Variants in NRG1 observed in about 807,000 individuals in gnomAD.
The protein encoded by NRG1 is neuregulin 1, also known as pro-neuregulin-1, membrane-bound isoform.
Under a neutral mutation model 63.8 loss-of-function variants are expected in NRG1, and 18 were observed. The ratio of observed to expected loss-of-function variants is 0.28; its 90% CI spans 0.19 to 0.42. NRG1 has a LOEUF of 0.42. Among genes scored for constraint, NRG1 ranks in the 10% least tolerant of loss-of-function variants. The probability of loss-of-function intolerance (pLI) is 1.00; values close to 1 mark genes in which losing one functional copy is unlikely to be tolerated. For synonymous variants in NRG1, 302 were observed against 301.3 expected (o/e 1.00, Z -0.02); for missense variants, 762 against 814.7 (o/e 0.94, Z 0.79).
chr8:31,981,524 A>C (rs1259864747), intron 1 of NRG1, among the ~76,000 whole-genome samples: 2 of 152,088 alleles, frequency 1.3e-5, no homozygotes, highest in African/African-American at 4.8e-5. Context: ...AGAAGGGGCA[A>C]AAATCAACCT....
chr8:31,943,903 A>G (rs965902218), intron 1 of NRG1, among the ~76,000 whole-genome samples: 10 of 152,160 alleles, frequency 6.6e-5, no homozygotes, highest in African/African-American at 2.4e-4. Context: ...TTTGATTTCA[A>G]TCCTCTCACA....
chr8:32,712,817 A>G (rs1281774536), intron 5 of NRG1, among the ~76,000 whole-genome samples: 1 of 152,100 alleles, frequency 6.6e-6, no homozygotes, highest in African/African-American at 2.4e-5. Flanking sequence ...CTCCGCTTCT[A>G]GTGGTTCTCT....
At chr8:32,079,196 A>AG (rs1310301262) in intron 1 of NRG1, among the ~76,000 whole-genome samples, 1 of 147,022 alleles carries the variant, frequency 6.8e-6, no homozygotes, top group Non-Finnish European at 1.5e-5. Flanking sequence ...CGCACATACA[A>AG]GGGGTCATAC....
chr8:31,793,800 C>T (rs1820936934), intron 1 of NRG1, among the ~76,000 whole-genome samples: 1 of 152,076 alleles, frequency 6.6e-6, no homozygotes, highest in Admixed American at 6.6e-5. Context: ...TTTTTCTATC[C>T]TTATCACCAT....
At chr8:31,825,403 T>G (rs1244825588) in intron 1 of NRG1, among the ~76,000 whole-genome samples, 1 of 151,354 alleles carries the variant, frequency 6.6e-6, no homozygotes, top group African/African-American at 2.4e-5. Context: ...AAAAAAAAAG[T>G]ATTTTATACT....
chr8:32,749,252 C>T (rs1342459253), intron 7 of NRG1: 1 of 369,386 alleles, frequency 2.7e-6, no homozygotes, highest in African/African-American at 2.1e-5. Context: ...CTTTCCATTC[C>T]CACACAAGGA....
At chr8:31,748,509 G>C (rs1358788206) in intron 1 of NRG1, among the ~76,000 whole-genome samples, 1 of 151,782 alleles carries the variant, frequency 6.6e-6, no homozygotes, top group African/African-American at 2.4e-5. Flanking sequence ...TTCTGAATTT[G>C]GAATGCGTAT....
chr8:32,385,214 G>A (rs1188463288), intron 1 of NRG1, among the ~76,000 whole-genome samples: 4 of 151,844 alleles, frequency 2.6e-5, no homozygotes, highest in Non-Finnish European at 4.4e-5. Context: ...TTTTAGTAGA[G>A]ACAGGGTTTC....
At chr8:32,451,432 C>T (rs1264151318) in intron 1 of NRG1, among the ~76,000 whole-genome samples, 4 of 152,238 alleles carry the variant, frequency 2.6e-5, no homozygotes, top group African/African-American at 7.2e-5. Context: ...AGCCCTCCTT[C>T]CCAGCACAAG....
chr8:31,929,900 C>A (rs1414455086), intron 1 of NRG1, among the ~76,000 whole-genome samples: 1 of 152,182 alleles, frequency 6.6e-6, no homozygotes, highest in Non-Finnish European at 1.5e-5. Flanking sequence ...ACAACCCAAG[C>A]CTGTCTTTTG....
At chr8:32,093,604 G>T (rs1829498847) in intron 1 of NRG1, among the ~76,000 whole-genome samples, 1 of 152,188 alleles carries the variant, frequency 6.6e-6, no homozygotes, top group Non-Finnish European at 1.5e-5. Context: ...CTGTGATCTG[G>T]TGGAGTTTGA....
chr8:32,568,722 G>A (rs1278755190), intron 1 of NRG1, among the ~76,000 whole-genome samples: 1 of 152,192 alleles, frequency 6.6e-6, no homozygotes, highest in Non-Finnish European at 1.5e-5. Context: ...TGCCTGCAGA[G>A]AATCCTGCTC....
chr8:31,759,748 C>G (rs565400674), intron 1 of NRG1, among the ~76,000 whole-genome samples: 3 of 152,210 alleles, frequency 2.0e-5, no homozygotes, highest in African/African-American at 7.2e-5. Flanking sequence ...TCTTAAAAAG[C>G]TGGCTCAGAG....
At chr8:32,421,711 A>G (rs552915711) in intron 1 of NRG1, among the ~76,000 whole-genome samples, 1 of 152,342 alleles carries the variant, frequency 6.6e-6, no homozygotes, top group East Asian at 1.9e-4. Flanking sequence ...GTTCTTTGTA[A>G]TGATGCTTTC....
chr8:32,534,854 C>T (rs1036393145), intron 1 of NRG1, among the ~76,000 whole-genome samples: 1 of 152,060 alleles, frequency 6.6e-6, no homozygotes, highest in African/African-American at 2.4e-5. Flanking sequence ...TGAGTTAAAG[C>T]ACACTATGTT....
At chr8:32,406,799 T>C (rs1251499610) in intron 1 of NRG1, among the ~76,000 whole-genome samples, 6 of 152,200 alleles carry the variant, frequency 3.9e-5, no homozygotes, top group Non-Finnish European at 2.9e-5. Flanking sequence ...GTATTTTTGC[T>C]TAATAAGTAT....
intron 1 of NRG1, among the ~76,000 whole-genome samples, chr8:31,878,191 C>T (rs1349827714): frequency 6.6e-6 from 1 of 152,102 alleles, no homozygotes; most frequent in East Asian, 1.9e-4. Flanking sequence ...CAGGACTTTG[C>T]TATGTTTTCA....
intron 1 of NRG1, among the ~76,000 whole-genome samples, chr8:31,727,502 G>A (rs1585965861): frequency 6.6e-6 from 1 of 152,158 alleles, no homozygotes; most frequent in African/African-American, 2.4e-5. Flanking sequence ...TAAGCATAAA[G>A]TGCTAAATAG....
intron 11 of NRG1, among the ~76,000 whole-genome samples, chr8:32,761,638 A>G (rs1250901091): frequency 6.7e-6 from 1 of 149,798 alleles, no homozygotes; most frequent in Non-Finnish European, 1.5e-5. Context: ...ATCCTTGACC[A>G]TTTACTAAAA....
Sources: allele counts gnomAD v4.1 joint callset (sites outside exome capture counted in the v4.1 genomes callset), GRCh38; gene constraint gnomAD v4.1.1; transcripts MANE v1.5; gene names NCBI Gene and HGNC (gene_info 2026-07-23, HGNC 2026-07-21).